The following CENPP variants were observed in gnomAD, a reference collection of about 807,000 sequenced individuals.
CENPP encodes centromere protein P.
Under a neutral mutation model 35.6 loss-of-function variants are expected in CENPP, and 24 were observed. The observed-to-expected ratio is 0.67, with a 90% CI of 0.49 to 0.95. The LOEUF (loss-of-function observed/expected upper bound fraction) is 0.95. CENPP is among the 40% of genes least tolerant of loss of function. The probability of loss-of-function intolerance (pLI) is 0.00; values close to 1 mark genes in which losing one functional copy is unlikely to be tolerated. For missense variants in CENPP, 332 were observed against 345.3 expected, an observed-to-expected ratio of 0.96 and a Z score of 0.31; for synonymous variants, 120 against 125.5, an observed-to-expected ratio of 0.96 and a Z score of 0.29.
At chr9:92,470,549 T>C (rs1845473495) in intron 5 of CENPP, 1 of 535,472 alleles carries the variant, frequency 1.9e-6, no homozygotes, top group African/African-American at 2.0e-5. Flanking sequence ...AATGCAGGGA[T>C]TTTTGTCATT....
At chr9:92,487,269 A>T (rs183155224) in intron 5 of CENPP, among the ~76,000 whole-genome samples, 1 of 152,332 alleles carries the variant, frequency 6.6e-6, no homozygotes, top group East Asian at 1.9e-4. Context: ...GACTCCTTGG[A>T]GAAATGGCCC....
At chr9:92,511,552 T>C (rs962742330) in intron 5 of CENPP, among the ~76,000 whole-genome samples, 1 of 152,114 alleles carries the variant, frequency 6.6e-6, no homozygotes, top group African/African-American at 2.4e-5. Flanking sequence ...TATATGAGCC[T>C]ATTTGTTTTT....
chr9:92,466,626 T>C, intron 5 of CENPP: 1 of 1,398,982 alleles, frequency 7.1e-7, no homozygotes, highest in Non-Finnish European at 1.0e-6. Flanking sequence ...GATTTACCAG[T>C]ATTCTACAGT....
intron 5 of CENPP, among the ~76,000 whole-genome samples, chr9:92,486,782 ATTT>A (rs5899162): frequency 2.2e-5 from 3 of 138,716 alleles, no homozygotes; most frequent in Non-Finnish European, 3.1e-5. Flanking sequence ...GCATGTGTCA[ATTT>A]TTTTTTTTTT....
chr9:92,531,451 C>A (rs549803748), intron 5 of CENPP, among the ~76,000 whole-genome samples: 2 of 152,142 alleles, frequency 1.3e-5, no homozygotes, highest in African/African-American at 2.4e-5. Context: ...ATTTTTAAAC[C>A]CTCAAAAGAT....
intron 5 of CENPP, among the ~76,000 whole-genome samples, chr9:92,450,090 T>TTTATTA (rs971076403): frequency 4.6e-5 from 7 of 151,144 alleles, no homozygotes; most frequent in African/African-American, 1.2e-4. Flanking sequence ...ATTCTTTCTT[T>TTTATTA]TTATTATTAT....
In CENPP at chr9:92,615,181, AGT is replaced by A. The variant is rs959017442; in HGVS notation, c.*2034_*2035del. Reference sequence around the variant, plus strand: ...AAAAAAAAAGGTCAATGCTCGCATGAGTGGTGTCCATCCTGACCTGAGCCTTG... The same window carrying A: ...AAAAAAAAAGGTCAATGCTCGCATGAGGTGTCCATCCTGACCTGAGCCTTG... On this transcript the variant is annotated 3_prime_UTR_variant, in exon 8 of 8. Transcript: ENST00000375587. 6.6e-6 allele frequency: 1 copy of A among 151,658 alleles called. No homozygotes were observed. The highest frequency in any genetic ancestry group is 2.4e-5 in the African/African-American group (1 of 41,284). 9.4% of individuals were successfully genotyped at this position (151,658 alleles called of 1,614,324 possible).
intron 5 of CENPP, among the ~76,000 whole-genome samples, chr9:92,514,338 A>G (rs1847549374): frequency 6.7e-6 from 1 of 149,976 alleles, no homozygotes. Context: ...ACAGTGGCTC[A>G]ATCTCAGCTC....
rs192403701 is a variant in CENPP at position 92,379,975 on chromosome 9, A to C, written c.564+116A>C. On this transcript the variant is annotated intron_variant, in intron 5 of 7. Coordinates refer to ENST00000375587, the MANE Select transcript of CENPP (RefSeq NM_001012267.3). ...CTTTCAAACAGTAGAAAATATTCTC[A>C]TTGACTTTTGGAATTTGCAATTATT... The C allele has an allele frequency of 7.3e-4, 490 of 670,112 alleles. 6 individuals carry two copies. The Admixed American group carries it at 0.012, about 16-fold the overall frequency. The allele number at this position is 670,112 out of a possible 1,614,324, so 41.5% of individuals were successfully genotyped here. A position where few individuals can be genotyped will look rare whatever the true frequency, so the allele number is the denominator to read the frequency against.
intron 5 of CENPP, among the ~76,000 whole-genome samples, chr9:92,473,153 A>G (rs1310794939): frequency 2.0e-5 from 3 of 152,176 alleles, no homozygotes; most frequent in Non-Finnish European, 4.4e-5. Flanking sequence ...GCTTCCTGCC[A>G]TGAGGTAGCT....
At chr9:92,512,323 A>G (rs1230714612) in intron 5 of CENPP, among the ~76,000 whole-genome samples, 6 of 152,224 alleles carry the variant, frequency 3.9e-5, no homozygotes. Flanking sequence ...ATGGTTTAAC[A>G]TAGTTGACAT....
At chr9:92,421,853 G>A (rs1390464249) in intron 5 of CENPP, among the ~76,000 whole-genome samples, 2 of 152,098 alleles carry the variant, frequency 1.3e-5, no homozygotes, top group Non-Finnish European at 2.9e-5. Flanking sequence ...CTTTATAGCA[G>A]AGATAGGCAA....
chr9:92,418,093 C>A (rs3118008), intron 5 of CENPP, among the ~76,000 whole-genome samples: 62,357 of 150,946 alleles, frequency 0.41, 16,662 homozygotes, highest in African/African-American at 0.76. Context: ...TTTTCTTTTT[C>A]TTTTTATTTT....
At chr9:92,448,464 G>A (rs904752143) in intron 5 of CENPP, among the ~76,000 whole-genome samples, 2 of 151,872 alleles carry the variant, frequency 1.3e-5, no homozygotes, top group African/African-American at 4.8e-5. Context: ...TAGAGACGGG[G>A]TTTCACCATT....
At chr9:92,381,940 A>C in intron 5 of CENPP, among the ~76,000 whole-genome samples, 1 of 150,792 alleles carries the variant, frequency 6.6e-6, no homozygotes, top group East Asian at 1.9e-4. Context: ...ATGGGTAGGA[A>C]GTGATATCTC....
At chr9:92,464,748 A>G in intron 5 of CENPP, 2 of 703,324 alleles carry the variant, frequency 2.8e-6, no homozygotes, top group South Asian at 3.0e-5. Context: ...TCTGTCAGGA[A>G]AAAGGCACTA....
intron 5 of CENPP, among the ~76,000 whole-genome samples, chr9:92,567,245 A>G (rs988783153): frequency 3.3e-5 from 5 of 151,978 alleles, no homozygotes; most frequent in Admixed American, 1.3e-4. Context: ...AGCAATTATA[A>G]AAGCTTGTAT....
intron 4 of CENPP, among the ~76,000 whole-genome samples, chr9:92,352,023 CTTTTTTTT>C (rs113545279): frequency 1.5e-5 from 2 of 132,460 alleles, no homozygotes; most frequent in Non-Finnish European, 3.3e-5. Context: ...TTTTCTTTTC[CTTTTTTTT>C]TTTTTTTTTT....
chr9:92,378,595 AGCATTGGGGTGGAATAT>A (rs1331612085), intron 4 of CENPP, among the ~76,000 whole-genome samples: 1 of 152,142 alleles, frequency 6.6e-6, no homozygotes, highest in Non-Finnish European at 1.5e-5. Flanking sequence ...AGTTAACGGA[AGCATTGGGGTGGAATAT>A]GCTTACTCTA....
Sources: allele counts gnomAD v4.1 joint callset (sites outside exome capture counted in the v4.1 genomes callset), GRCh38; gene constraint gnomAD v4.1.1; transcripts MANE v1.5; gene names NCBI Gene and HGNC (gene_info 2026-07-23, HGNC 2026-07-21).